Variants in SFMBT2 observed in about 807,000 individuals in gnomAD.
SFMBT2 encodes scm-like with four MBT domains protein 2.
In SFMBT2, 38 loss-of-function variants were observed where a neutral mutation model predicts 110.1. The observed-to-expected ratio is 0.35, with a 90% CI of 0.27 to 0.45. SFMBT2 has a LOEUF of 0.45. SFMBT2 is among the 20% of genes least tolerant of loss of function. The pLI, the probability that SFMBT2 is intolerant of heterozygous loss-of-function variation, is 1.00. For missense variants in SFMBT2, 1,011 were observed against 1,094.9 expected, an observed-to-expected ratio of 0.92 and a Z score of 1.08; for synonymous variants, 425 against 425.4, an observed-to-expected ratio of 1.00 and a Z score of 0.01.
At chr10:7,237,013 G>A (rs574686711) in intron 9 of SFMBT2, among the ~76,000 whole-genome samples, 15 of 152,310 alleles carry the variant, frequency 9.8e-5, no homozygotes, top group African/African-American at 2.9e-4. Flanking sequence ...TCACTGAAAC[G>A]AGGAGATCCA....
At chr10:7,382,692 C>T (rs11255097) in intron 1 of SFMBT2, among the ~76,000 whole-genome samples, 1,697 of 152,260 alleles carry the variant, frequency 0.011, 31 homozygotes, top group African/African-American at 0.039. Flanking sequence ...CAGTGCCCTG[C>T]CTCAGGAAGA....
At chr10:7,309,590 A>C (rs1842792510) in intron 4 of SFMBT2, among the ~76,000 whole-genome samples, 1 of 152,188 alleles carries the variant, frequency 6.6e-6, no homozygotes, top group African/African-American at 2.4e-5. Context: ...TGACAGGATC[A>C]ACAAAATTAA....
chr10:7,376,953 G>A (rs1845240881), intron 2 of SFMBT2, among the ~76,000 whole-genome samples: 3 of 150,602 alleles, frequency 2.0e-5, no homozygotes, highest in South Asian at 2.1e-4. Flanking sequence ...GGCAAATCAC[G>A]AGGTCAGGAG....
chr10:7,330,623 T>TAGCTAAAGCAGTTCCAGC (rs1256025800), intron 4 of SFMBT2, among the ~76,000 whole-genome samples: 3 of 152,152 alleles, frequency 2.0e-5, no homozygotes, highest in Admixed American at 6.5e-5. Context: ...CAAGCCACCT[T>TAGCTAAAGCAGTTCCAGC]AGCTAAAGCA....
intron 10 of SFMBT2, among the ~76,000 whole-genome samples, chr10:7,224,993 G>A (rs1341344844): frequency 6.6e-6 from 1 of 152,060 alleles, no homozygotes; most frequent in African/African-American, 2.4e-5. Context: ...GAAATCAACT[G>A]GCTCCATGCC....
rs140984009 is a variant in SFMBT2 at position 7,198,226 on chromosome 10, G to A, written c.1559-539C>T. 1.3e-3 allele frequency: 1,098 copies of A among 832,862 alleles called. 1 individual carries two copies. Among genetic ancestry groups the A allele is most frequent in the African/African-American group, 8.9e-3 (484 of 54,084 alleles). 51.6% of individuals were successfully genotyped at this position (832,862 alleles called of 1,614,324 possible). ...GAGATATATCCAAGTTGGTAAATGC[G>A]GATCTAGAAAGTTCATTCATTTTTT... is the stretch of plus-strand genomic sequence containing the variant. On this transcript the variant is annotated intron_variant, in intron 14 of 20. Transcript: ENST00000397167.
chr10:7,272,667 C>T (rs1413397584), intron 7 of SFMBT2, among the ~76,000 whole-genome samples: 2 of 152,114 alleles, frequency 1.3e-5, no homozygotes, highest in Admixed American at 6.5e-5. Context: ...ACCTGGAGCC[C>T]CAGGTGGGAC....
Position 7,183,470 on chromosome 10 carries a change from G to C in SFMBT2, c.1808+5154C>G, listed in dbSNP as rs564259804. On this transcript the variant is annotated intron_variant, in intron 16 of 20. Coordinates refer to ENST00000397167, the MANE Select transcript of SFMBT2 (RefSeq NM_001387889.1). The stretch of plus-strand genomic sequence containing the variant: ...TCAGCGCAGGACACTGAGAACCCCA[G>C]AGTCCACAGAAGATTATTTTAAGCT... Among the ~76,000 whole-genome samples, 9 of 152,338 alleles carry C rather than the reference G, an allele frequency of 5.9e-5. No homozygotes were observed. In the South Asian group the frequency reaches 1.9e-3, roughly 32 times the overall value.
intron 20 of SFMBT2, among the ~76,000 whole-genome samples, chr10:7,165,110 G>A (rs1837662298): frequency 6.6e-6 from 1 of 152,048 alleles, no homozygotes; most frequent in Non-Finnish European, 1.5e-5. Context: ...GATCTCAATC[G>A]TCCAGAGGGA....
At chr10:7,265,501 CCT>C (rs1841357362) in intron 7 of SFMBT2, among the ~76,000 whole-genome samples, 1 of 152,056 alleles carries the variant, frequency 6.6e-6, no homozygotes, top group Non-Finnish European at 1.5e-5. Context: ...GCGCCTGGCC[CCT>C]GAGATGTCTT....
chr10:7,163,820 G>T lies in SFMBT2; in HGVS notation c.2635C>A (p.His879Asn), dbSNP rs1206223570. ...GCCACTTTGACTCTCTCGATCTGGT[G>T]GCATAACTTGATGGCAGGCCCCAGC... ...LKLGPAIKLC[H>N]QIERVKVAFY... is the part of the protein sequence containing the mutation. The change falls in exon 21 of 21, where the codon CAC becomes AAC. Residue 879 changes from histidine to asparagine, a missense_variant. His to Asn is a moderately conservative substitution (Grantham distance 68). This residue lies in a region of SFMBT2 where 32 missense variants were observed against 78.8 expected (regional missense o/e 0.41). Coordinates refer to ENST00000397167, the MANE Select transcript of SFMBT2 (RefSeq NM_001387889.1). The surrounding 1 kb of genome is among the most constrained non-coding windows in gnomAD (Gnocchi z 4.8). The T allele has an allele frequency of 6.2e-7, 1 of 1,614,220 alleles. No individual in the cohort carries two copies. The highest frequency in any genetic ancestry group is 8.5e-7 in the Non-Finnish European group (1 of 1,180,042).
chr10:7,205,724 A>G (rs1412794021), intron 12 of SFMBT2, 91 bp downstream of exon 12: 1 of 1,488,724 alleles, frequency 6.7e-7, no homozygotes, highest in Non-Finnish European at 9.0e-7. Context: ...TTTGTTCTTT[A>G]GAACTTGGTT....
At chr10:7,203,587 G>C (rs891018142) in intron 12 of SFMBT2, 1 of 617,972 alleles carries the variant, frequency 1.6e-6, no homozygotes, top group African/African-American at 2.0e-5. Flanking sequence ...GGGAGGAAGA[G>C]GATCTAGGAC....
At chr10:7,174,936 G>C (rs1484622290) in intron 17 of SFMBT2, among the ~76,000 whole-genome samples, 2 of 152,224 alleles carry the variant, frequency 1.3e-5, no homozygotes, top group Non-Finnish European at 2.9e-5. Flanking sequence ...AGAGTGGCAA[G>C]GGGACTCTGT....
intron 4 of SFMBT2, among the ~76,000 whole-genome samples, chr10:7,332,413 T>C (rs1193481408): frequency 6.6e-6 from 1 of 152,230 alleles, no homozygotes; most frequent in Non-Finnish European, 1.5e-5. Flanking sequence ...AATTAAAAGC[T>C]CTACTATTTA....
intron 4 of SFMBT2, among the ~76,000 whole-genome samples, chr10:7,292,038 C>T (rs1842275915): frequency 1.3e-5 from 2 of 152,140 alleles, no homozygotes; most frequent in South Asian, 4.1e-4. Context: ...ATTGTAAAAT[C>T]CCTTTTCCAT....
In SFMBT2 at chr10:7,202,745, C is replaced by T. The variant is rs984055503; in HGVS notation, c.1445-223G>A. ...CTTAGTACAACTTCGTTCATTTAATCTTATCATTACACTAGCTACTTTATT... is the reference window on the plus strand; with the variant it reads ...CTTAGTACAACTTCGTTCATTTAATTTTATCATTACACTAGCTACTTTATT... On this transcript the variant is annotated intron_variant, in intron 12 of 20. Transcript: ENST00000397167. 1.2e-5 allele frequency: 12 copies of T among 985,270 alleles called. 1 individual carries two copies. In the Admixed American group the frequency reaches 7.4e-4, roughly 61 times the overall value. 61.0% of individuals were successfully genotyped at this position (985,270 alleles called of 1,614,324 possible).
At chr10:7,292,484 C>T (rs1842289178) in intron 4 of SFMBT2, among the ~76,000 whole-genome samples, 1 of 152,196 alleles carries the variant, frequency 6.6e-6, no homozygotes, top group Admixed American at 6.5e-5. Context: ...CTACCTACTA[C>T]TGAGGTTCAA....
chr10:7,264,589 G>C (rs986781024), intron 7 of SFMBT2, among the ~76,000 whole-genome samples: 1 of 152,068 alleles, frequency 6.6e-6, no homozygotes, highest in African/African-American at 2.4e-5. Flanking sequence ...AGTGTCCTGG[G>C]CATATGACTC....
Sources: gnomAD v4.1 joint callset for allele counts (sites outside exome capture counted in the v4.1 genomes callset) on GRCh38, gnomAD v4.1.1 for gene constraint, gnomAD v4.1.1 regional missense constraint, Gnocchi (gnomAD v3.1) non-coding constraint, MANE v1.5 for transcripts, NCBI Gene and HGNC (gene_info 2026-07-23, HGNC 2026-07-21) for gene names.